The following GRID1 variants were observed in gnomAD, a reference collection of about 807,000 sequenced individuals.
GRID1 encodes glutamate receptor ionotropic, delta-1.
Under a neutral mutation model 98.0 loss-of-function variants are expected in GRID1, and 28 were observed. The ratio of observed to expected loss-of-function variants is 0.29; its 90% confidence interval spans 0.21 to 0.39. The LOEUF (loss-of-function observed/expected upper bound fraction) is 0.39. Among genes scored for constraint, GRID1 ranks in the 10% least tolerant of loss-of-function variants. GRID1 has a pLI of 1.00. For missense variants in GRID1, 1,111 were observed against 1,340.5 expected, an observed-to-expected ratio of 0.83 and a Z score of 2.67; for synonymous variants, 553 against 538.5, an observed-to-expected ratio of 1.03 and a Z score of -0.37.
Position 85,804,077 on chromosome 10 carries a change from T to C in GRID1, c.1233+50419A>G, listed in dbSNP as rs1482693026. Among the ~76,000 whole-genome samples, 4 of 149,808 alleles carry C rather than the reference T, an allele frequency of 2.7e-5. No homozygotes were observed. In the East Asian group the frequency reaches 7.9e-4, roughly 29 times the overall value. ...TGAAATTGAAAAAAAACAGAAAATA[T>C]ATAAAGACAAAAATTCATTCTTGAC... is the stretch of plus-strand genomic sequence containing the variant. On this transcript the variant is annotated intron_variant, in intron 8 of 15. Transcript: ENST00000327946.
intron 3 of GRID1, among the ~76,000 whole-genome samples, chr10:86,183,751 G>A (rs1429787249): frequency 6.6e-6 from 1 of 152,240 alleles, no homozygotes. Context: ...AAATCTTCAT[G>A]TGGACTTGTG....
chr10:85,939,103 TG>T (rs1841964664), intron 4 of GRID1, among the ~76,000 whole-genome samples: 2 of 152,140 alleles, frequency 1.3e-5, no homozygotes, highest in South Asian at 4.1e-4. Context: ...CCAGGCCGCC[TG>T]GTGCCTGGTC....
At chr10:86,259,102 T>C (rs1473423360) in intron 2 of GRID1, among the ~76,000 whole-genome samples, 1 of 152,248 alleles carries the variant, frequency 6.6e-6, no homozygotes, top group South Asian at 2.1e-4. Context: ...AGGTGGGCGC[T>C]GATGGCTGGA....
chr10:86,105,586 C>A (rs1376721381), intron 4 of GRID1, among the ~76,000 whole-genome samples: 2 of 152,180 alleles, frequency 1.3e-5, no homozygotes, highest in African/African-American at 4.8e-5. Flanking sequence ...TAGGGGCCAG[C>A]TGCCCCTCCC....
intron 2 of GRID1, among the ~76,000 whole-genome samples, chr10:86,348,047 C>T (rs927091654): frequency 2.6e-5 from 4 of 152,206 alleles, no homozygotes; most frequent in African/African-American, 9.6e-5. Context: ...AAGATGACCC[C>T]TGGACCACCT....
Position 86,365,658 on chromosome 10 carries a change from G to A in GRID1, c.79+656C>T, listed in dbSNP as rs1848666851. Reference sequence around the variant, plus strand: ...GACTGTCCAGGATGGGGATGCAGTCGCCACAACCAGATACACACGCACTCA... The same window carrying A: ...GACTGTCCAGGATGGGGATGCAGTCACCACAACCAGATACACACGCACTCA... On this transcript the variant is annotated intron_variant, in intron 1 of 15. Coordinates refer to ENST00000327946, the MANE Select transcript of GRID1 (RefSeq NM_017551.3). This position sits in a 1 kb window ranked among gnomAD's most constrained non-coding sequence, Gnocchi z 4.8. Among the ~76,000 whole-genome samples, 1 of 151,408 alleles carries A rather than the reference G, an allele frequency of 6.6e-6. No individual in the cohort carries two copies.
At chr10:86,267,526 G>A (rs906890761) in intron 2 of GRID1, among the ~76,000 whole-genome samples, 2 of 152,230 alleles carry the variant, frequency 1.3e-5, no homozygotes, top group Non-Finnish European at 2.9e-5. Context: ...CCCCCAGGGT[G>A]AACAGCAGGG....
chr10:85,674,136 T>C (rs924175186), intron 12 of GRID1, among the ~76,000 whole-genome samples: 9 of 152,210 alleles, frequency 5.9e-5, no homozygotes, highest in African/African-American at 1.9e-4. Context: ...TGTTTCCTTC[T>C]ATCCATATTT....
rs1424160151 is a variant in GRID1, at chr10:86,025,267, G to C, written c.727-109028C>G. On this transcript the variant is annotated intron_variant, in intron 4 of 15. Coordinates refer to ENST00000327946, the MANE Select transcript of GRID1 (RefSeq NM_017551.3). The stretch of plus-strand genomic sequence containing the variant: ...CCAAGTCTTCCTTTTGGGAGCACTA[G>C]GTAATATAATGCATGTAAATGTAGT... Among the ~76,000 whole-genome samples the C allele has an allele frequency of 2.0e-5, 3 of 152,186 alleles. No individual in the cohort carries two copies. In the South Asian group the frequency reaches 6.2e-4, roughly 32 times the overall value.
At chr10:85,636,798 C>A (rs903731672) in intron 13 of GRID1, among the ~76,000 whole-genome samples, 1 of 152,122 alleles carries the variant, frequency 6.6e-6, no homozygotes, top group Admixed American at 6.5e-5. Context: ...GTAATTCATT[C>A]AAAGCCCTGC....
intron 4 of GRID1, among the ~76,000 whole-genome samples, chr10:86,128,868 T>C (rs1429605472): frequency 1.3e-5 from 2 of 152,156 alleles, no homozygotes; most frequent in African/African-American, 4.8e-5. Context: ...CCCATACCCA[T>C]GTCAAGCACT....
At chr10:85,833,787 A>G (rs1460203316) in intron 8 of GRID1, among the ~76,000 whole-genome samples, 1 of 152,234 alleles carries the variant, frequency 6.6e-6, no homozygotes, top group Non-Finnish European at 1.5e-5. Flanking sequence ...AAGATATAGA[A>G]TAGAACTAAA....
intron 5 of GRID1, among the ~76,000 whole-genome samples, chr10:85,881,729 C>T (rs1378613707): frequency 6.6e-6 from 1 of 152,132 alleles, no homozygotes; most frequent in Non-Finnish European, 1.5e-5. Flanking sequence ...TGCTTCATGT[C>T]TAAAACACCA....
intron 4 of GRID1, among the ~76,000 whole-genome samples, chr10:85,995,828 G>GA (rs1406547984): frequency 2.0e-5 from 3 of 152,230 alleles, no homozygotes; most frequent in African/African-American, 7.2e-5. Flanking sequence ...ATGTCACAGA[G>GA]AAGGAAAATC....
chr10:85,909,238 G>A (rs1841502871), intron 5 of GRID1, among the ~76,000 whole-genome samples: 1 of 152,150 alleles, frequency 6.6e-6, no homozygotes, highest in Non-Finnish European at 1.5e-5. Flanking sequence ...ACATCACAGT[G>A]AGGACCATTA....
intron 8 of GRID1, among the ~76,000 whole-genome samples, chr10:85,822,748 T>C (rs1479510553): frequency 6.6e-6 from 1 of 152,176 alleles, no homozygotes; most frequent in African/African-American, 2.4e-5. Context: ...CGTATGTTTA[T>C]TGCGGCACTA....
In GRID1 at chr10:85,811,047, A is replaced by G. The variant is rs12784835; in HGVS notation, c.1233+43449T>C. On this transcript the variant is annotated intron_variant, in intron 8 of 15. Coordinates refer to ENST00000327946, the MANE Select transcript of GRID1 (RefSeq NM_017551.3). Reference sequence around the variant, plus strand: ...ATGCATACACCCTAGCCTGAGAAACACTTCAGCAAGCCCACCCCTGAAGAA... The same window carrying G: ...ATGCATACACCCTAGCCTGAGAAACGCTTCAGCAAGCCCACCCCTGAAGAA... Among the ~76,000 whole-genome samples, 105 of 152,238 alleles carry G rather than the reference A, an allele frequency of 6.9e-4. 1 individual carries two copies. The highest frequency in any genetic ancestry group is 2.4e-3 in the African/African-American group (98 of 41,540).
At chr10:85,911,112 G>A (rs1841531227) in intron 5 of GRID1, among the ~76,000 whole-genome samples, 1 of 152,216 alleles carries the variant, frequency 6.6e-6, no homozygotes, top group Admixed American at 6.5e-5. Context: ...GAGGGCTGCA[G>A]CAGGCTGGAT....
chr10:86,030,423 T>C (rs779046180), intron 4 of GRID1, among the ~76,000 whole-genome samples: 3 of 152,238 alleles, frequency 2.0e-5, no homozygotes, highest in Non-Finnish European at 4.4e-5. Context: ...GGAATGTTAC[T>C]TGTATATTAA....
Sources: allele counts gnomAD v4.1 joint callset (sites outside exome capture counted in the v4.1 genomes callset), GRCh38; gene constraint gnomAD v4.1.1; non-coding constraint Gnocchi (gnomAD v3.1); transcripts MANE v1.5; gene names NCBI Gene and HGNC (gene_info 2026-07-23, HGNC 2026-07-21).